Variants in CA8 observed in about 807,000 individuals in gnomAD.
CA8 encodes carbonic anhydrase 8 (inactive).
In CA8, 22 loss-of-function variants were observed where a neutral mutation model predicts 41.4. The ratio of observed to expected loss-of-function variants is 0.53; its 90% CI spans 0.38 to 0.76. The LOEUF is 0.76. Among genes scored for constraint, CA8 ranks in the 30% least tolerant of loss-of-function variants. CA8 has a pLI of 0.00. For synonymous variants in CA8, 121 were observed against 130.6 expected, an observed-to-expected ratio of 0.93 and a Z score of 0.50; for missense variants, 270 against 352.8, an observed-to-expected ratio of 0.77 and a Z score of 1.88.
intron 2 of CA8, among the ~76,000 whole-genome samples, chr8:60,266,972 T>G (rs1263373399): frequency 1.3e-5 from 2 of 152,226 alleles, no homozygotes; most frequent in Non-Finnish European, 2.9e-5. Flanking sequence ...ATTCAACACC[T>G]TCATCTTTCC....
intron 2 of CA8, among the ~76,000 whole-genome samples, chr8:60,269,380 A>G (rs1457350673): frequency 6.6e-6 from 1 of 152,202 alleles, no homozygotes; most frequent in Non-Finnish European, 1.5e-5. Context: ...AGTTACAATG[A>G]AAGAACATGA....
intron 3 of CA8, among the ~76,000 whole-genome samples, chr8:60,240,514 G>A (rs575695508): frequency 1.3e-5 from 2 of 152,242 alleles, no homozygotes; most frequent in South Asian, 2.1e-4. Flanking sequence ...AGAAATAACA[G>A]GCTGCTGTTA....
At chr8:60,228,866 C>A (rs141641851) in intron 4 of CA8, among the ~76,000 whole-genome samples, 6 of 152,274 alleles carry the variant, frequency 3.9e-5, no homozygotes, top group African/African-American at 9.6e-5. Context: ...TCATATCTTG[C>A]AAATTCTATA....
At position 60,257,510 on chromosome 8, in the gene CA8, A is replaced by G. The variant is rs566345367; in HGVS notation, c.417+8415T>C. ...GATTGCAGAGGTTAGATGTAAATCTAGGTTTTTTTCAACTTTGGGCCCTAA... is the reference window on the plus strand; with the variant it reads ...GATTGCAGAGGTTAGATGTAAATCTGGGTTTTTTTCAACTTTGGGCCCTAA... On this transcript the variant is annotated intron_variant, in intron 3 of 8. Coordinates refer to ENST00000317995, the MANE Select transcript of CA8 (RefSeq NM_004056.6). 1.4e-4 allele frequency among the ~76,000 whole-genome samples: 21 copies of G among 152,288 alleles called. 1 individual carries two copies. The South Asian group carries it at 4.1e-3, about 30-fold the overall frequency.
chr8:60,232,233 T>C (rs1807672232), intron 4 of CA8, 51 bp downstream of exon 4: 1 of 1,393,656 alleles, frequency 7.2e-7, no homozygotes. Flanking sequence ...TACAAAATGA[T>C]TTAGAAATTA....
intron 2 of CA8, among the ~76,000 whole-genome samples, chr8:60,278,461 C>A (rs1804309643): frequency 6.6e-6 from 1 of 152,218 alleles, no homozygotes; most frequent in Non-Finnish European, 1.5e-5. Context: ...CATCAACACA[C>A]ATGTACTTCT....
rs1330105495 is a variant in CA8 at position 60,187,494 on chromosome 8, CAG to C, written c.*2525_*2526del. 6.6e-6 allele frequency: 1 copy of C among 151,992 alleles called. No individual in the cohort carries two copies. The highest frequency in any genetic ancestry group is 2.4e-5 in the African/African-American group (1 of 41,404). 9.4% of individuals were successfully genotyped at this position (151,992 alleles called of 1,614,324 possible). ...ATCTTACTATTTTGTAAGATTTGAG[CAG>C]AGTTTGATGACATAGAGAATACAAA... On this transcript the variant is annotated 3_prime_UTR_variant, in exon 9 of 9. Coordinates refer to ENST00000317995, the MANE Select transcript of CA8 (RefSeq NM_004056.6).
At chr8:60,197,260 T>G (rs540016354) in intron 8 of CA8, among the ~76,000 whole-genome samples, 26 of 152,186 alleles carry the variant, frequency 1.7e-4, no homozygotes, top group African/African-American at 6.0e-4. Flanking sequence ...AAAATAACTA[T>G]GCAATGACAT....
chr8:60,226,450 G>A (rs1390294422), intron 5 of CA8, among the ~76,000 whole-genome samples: 1 of 152,202 alleles, frequency 6.6e-6, no homozygotes, highest in East Asian at 1.9e-4. Context: ...GGCGAAGAGG[G>A]CAGGGAGACG....
intron 2 of CA8, among the ~76,000 whole-genome samples, chr8:60,269,456 C>T (rs1256595206): frequency 6.6e-6 from 1 of 152,144 alleles, no homozygotes; most frequent in Non-Finnish European, 1.5e-5. Flanking sequence ...ATAAAATAAA[C>T]TGATGCCATT....
intron 2 of CA8, among the ~76,000 whole-genome samples, chr8:60,270,186 A>T (rs897482021): frequency 1.3e-5 from 2 of 152,226 alleles, no homozygotes; most frequent in Non-Finnish European, 2.9e-5. Context: ...TCTGCAATTT[A>T]AAGTATTATT....
chr8:60,226,519 A>G (rs1807444822), intron 5 of CA8, among the ~76,000 whole-genome samples: 2 of 152,210 alleles, frequency 1.3e-5, no homozygotes, highest in African/African-American at 2.4e-5. Flanking sequence ...TAGTGCTTGC[A>G]TGATTGACCC....
chr8:60,278,257 C>T lies in CA8; in HGVS notation c.292+1432G>A, dbSNP rs144703518. ...TAGTCATTGCTCTCTGCTCCCACAA[C>T]CCTTTGTAACACTTGCCACATCAAG... On this transcript the variant is annotated intron_variant, in intron 2 of 8. Transcript: ENST00000317995. Among the ~76,000 whole-genome samples, 377 of 152,322 alleles carry T rather than the reference C, an allele frequency of 2.5e-3. 2 individuals carry two copies. The highest frequency in any genetic ancestry group is 3.6e-3 in the Non-Finnish European group (248 of 68,030).
intron 8 of CA8, among the ~76,000 whole-genome samples, chr8:60,195,818 G>A (rs1371677065): frequency 6.6e-6 from 1 of 152,116 alleles, no homozygotes; most frequent in Admixed American, 6.5e-5. Flanking sequence ...ACGGCATATA[G>A]ACACCTTCTT....
intron 3 of CA8, chr8:60,232,623 G>A: frequency 3.7e-6 from 2 of 534,388 alleles, no homozygotes; most frequent in Non-Finnish European, 6.8e-6. Context: ...CTGATGAGGA[G>A]GAAGACAACT....
intron 3 of CA8, among the ~76,000 whole-genome samples, chr8:60,236,902 G>A (rs1807848628): frequency 6.6e-6 from 1 of 152,148 alleles, no homozygotes; most frequent in South Asian, 2.1e-4. Flanking sequence ...CTACAGATAT[G>A]GCTTAGGAAA....
At chr8:60,251,390 T>C (rs1288085199) in intron 3 of CA8, among the ~76,000 whole-genome samples, 4 of 152,210 alleles carry the variant, frequency 2.6e-5, no homozygotes, top group African/African-American at 9.6e-5. Context: ...CAAGCCAAAC[T>C]TTCAAATATA....
At chr8:60,259,902 T>G (rs1044296640) in intron 3 of CA8, among the ~76,000 whole-genome samples, 1 of 152,160 alleles carries the variant, frequency 6.6e-6, no homozygotes, top group African/African-American at 2.4e-5. Context: ...ATCATAATAA[T>G]TATTACATTT....
At chr8:60,247,516 T>C (rs561651016) in intron 3 of CA8, among the ~76,000 whole-genome samples, 1 of 152,234 alleles carries the variant, frequency 6.6e-6, no homozygotes, top group African/African-American at 2.4e-5. Flanking sequence ...TTTGGTTTTC[T>C]GTTCCTGTGT....
Sources: allele counts gnomAD v4.1 joint callset (sites outside exome capture counted in the v4.1 genomes callset), GRCh38; gene constraint gnomAD v4.1.1; transcripts MANE v1.5; gene names NCBI Gene and HGNC (gene_info 2026-07-23, HGNC 2026-07-21).